Variants in FRA10AC1 observed in about 807,000 individuals in gnomAD.
The protein encoded by FRA10AC1 is protein FRA10AC1.
A neutral mutation model predicts 56.5 loss-of-function variants in FRA10AC1; 43 were observed. The observed-to-expected ratio is 0.76, with a 90% confidence interval of 0.60 to 0.98. The LOEUF is 0.98. Ranked by LOEUF, FRA10AC1 falls within the 50% of genes least tolerant of loss-of-function variation. The pLI, the probability that FRA10AC1 is intolerant of heterozygous loss-of-function variation, is 0.00. For missense variants in FRA10AC1, 346 were observed against 351.8 expected, an observed-to-expected ratio of 0.98 and a Z score of 0.13; for synonymous variants, 112 against 110.5, an observed-to-expected ratio of 1.01 and a Z score of -0.09.
At chr10:93,685,119 C>A in intron 9 of FRA10AC1, 127 bp downstream of exon 9, 2 of 585,838 alleles carry the variant, frequency 3.4e-6, no homozygotes, top group Non-Finnish European at 3.0e-6. Context: ...CTTTGGGAAG[C>A]TCCAAGAAAA....
intron 12 of FRA10AC1, chr10:93,673,412 T>G (rs541188199): frequency 2.2e-6 from 1 of 454,804 alleles, no homozygotes; most frequent in East Asian, 7.0e-5. Flanking sequence ...CATACCTCAG[T>G]TTTTTTCTTC....
At chr10:93,676,255 GA>G (rs1486328246) in intron 12 of FRA10AC1, among the ~76,000 whole-genome samples, 1 of 151,998 alleles carries the variant, frequency 6.6e-6, no homozygotes, top group Non-Finnish European at 1.5e-5. Flanking sequence ...ATATTGCAGG[GA>G]AAAAATAATA....
chr10:93,697,349 G>A (rs187398377), intron 4 of FRA10AC1, among the ~76,000 whole-genome samples: 18 of 152,284 alleles, frequency 1.2e-4, no homozygotes, highest in Admixed American at 3.3e-4. Context: ...TGACACAATG[G>A]TACTTCTATA....
chr10:93,674,960 A>G (rs1015631661), intron 12 of FRA10AC1: 1 of 152,154 alleles, frequency 6.6e-6, no homozygotes, highest in African/African-American at 2.4e-5. Context: ...TCCTGAGATA[A>G]CATTGGTCCA....
chr10:93,693,602 T>C (rs1286579462), intron 5 of FRA10AC1, among the ~76,000 whole-genome samples: 2 of 144,632 alleles, frequency 1.4e-5, no homozygotes, highest in African/African-American at 5.1e-5. Context: ...ACACACCATA[T>C]ATATACACAC....
chr10:93,681,501 C>G lies in FRA10AC1; in HGVS notation c.766G>C (p.Ala256Pro). The change falls in exon 11 of 14, where the codon GCC becomes CCC. Residue 256 changes from alanine (A) to proline (P), a missense_variant. Ala to Pro is a conservative substitution (Grantham distance 27, BLOSUM62 -1). Transcript: ENST00000359204. ...TTACCTTTATCTTTTTTCTTGGAGG[C>G]CTCTTCTGCAGAAGATAATCTGGAT... ...KKSRLSSAEEASKKKDKGHSS... is the reference protein window; with the variant it reads ...KKSRLSSAEEPSKKKDKGHSS... 1 of 1,572,990 alleles carries G rather than the reference C, an allele frequency of 6.4e-7. No homozygotes were observed.
intron 1 of FRA10AC1, among the ~76,000 whole-genome samples, chr10:93,700,354 C>T (rs559919796): frequency 6.6e-6 from 1 of 152,288 alleles, no homozygotes; most frequent in South Asian, 2.1e-4. Flanking sequence ...GAAGGCTACT[C>T]TTTGATCTTT....
chr10:93,687,400 TTA>T lies in FRA10AC1; in HGVS notation c.511+2_511+3del. The T allele has an allele frequency of 6.7e-7, 1 of 1,501,014 alleles. No homozygotes were observed. The highest frequency in any genetic ancestry group is 9.0e-7 in the Non-Finnish European group (1 of 1,107,168). The allele number at this position is 1,501,014 out of a possible 1,614,324, so 93.0% of individuals were successfully genotyped here. On this transcript the variant is annotated splice_donor_variant and splice_donor_region_variant and intron_variant, in intron 8 of 13. Transcript: ENST00000359204. LOFTEE classifies it high-confidence loss of function. The stretch of plus-strand genomic sequence containing the variant: ...ATTAAAAAGTAAAAATTTTAAAGAA[TTA>T]CCTTTTCCTGAAATTACTTCTTTTT...
rs1430265903 is a variant in FRA10AC1, at chr10:93,692,103, T to G, written c.381-10A>C. 7 of 1,471,364 alleles carry G rather than the reference T, an allele frequency of 4.8e-6. No individual in the cohort carries two copies. In the East Asian group the frequency reaches 1.6e-4, roughly 33 times the overall value. The allele number at this position is 1,471,364 out of a possible 1,614,324, so 91.1% of individuals were successfully genotyped here. On this transcript the variant is annotated splice_polypyrimidine_tract_variant and intron_variant, in intron 6 of 13. Transcript: ENST00000359204. ...AGCAAGTCTCTTCTCCCTAGACCCA[T>G]GAAAATATAAATATTATACATTTAG...
rs2059005936 is a variant in FRA10AC1 at position 93,685,271 on chromosome 10, C to G, written c.600G>C (p.Glu200Asp). 1 of 1,551,916 alleles carries G rather than the reference C, an allele frequency of 6.4e-7. No homozygotes were observed. ...TTAATTTAACAAGTGCATTTCTCTT[C>G]TCACCATGCTCAATATAACCAAAAT... ...EVNFGYIEHGEKRNALVKLRL... is the reference protein window; with the variant it reads ...EVNFGYIEHGDKRNALVKLRL... The change falls in exon 9 of 14, where the codon GAG becomes GAC. Residue 200 changes from glutamate to aspartate, a missense_variant. By Grantham distance (45) the Glu-to-Asp change is conservative (BLOSUM62 2). Coordinates refer to ENST00000359204, the MANE Select transcript of FRA10AC1 (RefSeq NM_145246.5).
At chr10:93,687,379 A>T (rs1366773420) in intron 8 of FRA10AC1, 25 bp downstream of exon 8, 7 of 1,456,160 alleles carry the variant, frequency 4.8e-6, no homozygotes, top group Non-Finnish European at 6.5e-6. Context: ...TATCCTATTA[A>T]AAAGTAAAAA....
rs781082491 is a variant in FRA10AC1 at position 93,692,738 on chromosome 10, C to T, written c.297-9G>A. 2.4e-5 allele frequency: 37 copies of T among 1,561,918 alleles called. No individual in the cohort carries two copies. In the South Asian group the frequency reaches 4.3e-4, roughly 18 times the overall value. ...CTGTCTTGTCATTTTCCCTGGAAAACAGAACTTTTTCAATTTAATACAAAA... is the reference window on the plus strand; with the variant it reads ...CTGTCTTGTCATTTTCCCTGGAAAATAGAACTTTTTCAATTTAATACAAAA... On this transcript the variant is annotated splice_polypyrimidine_tract_variant and intron_variant, in intron 5 of 13. Coordinates refer to ENST00000359204, the MANE Select transcript of FRA10AC1 (RefSeq NM_145246.5).
At chr10:93,682,225 C>G (rs2058947591) in intron 10 of FRA10AC1, among the ~76,000 whole-genome samples, 1 of 152,024 alleles carries the variant, frequency 6.6e-6, no homozygotes, top group African/African-American at 2.4e-5. Flanking sequence ...AAAAGAAATA[C>G]TAAATGGGAA....
At chr10:93,692,771 T>C in intron 5 of FRA10AC1, 42 bp from the exon 6 acceptor site, 1 of 1,319,866 alleles carries the variant, frequency 7.6e-7, no homozygotes, top group East Asian at 2.5e-5. Context: ...AAAACAAAAG[T>C]AGTCAAATTT....
intron 13 of FRA10AC1, 98 bp downstream of exon 13, chr10:93,670,672 A>T (rs1386072141): frequency 2.6e-6 from 2 of 763,312 alleles, no homozygotes; most frequent in Non-Finnish European, 4.4e-6. Flanking sequence ...CATTAAATAG[A>T]TCACCATGAT....
chr10:93,686,493 C>G (rs2059029900), intron 8 of FRA10AC1, among the ~76,000 whole-genome samples: 1 of 151,772 alleles, frequency 6.6e-6, no homozygotes, highest in African/African-American at 2.4e-5. Flanking sequence ...TTGTGATAGA[C>G]ATTTCAGGAT....
intron 5 of FRA10AC1, 77 bp from the exon 6 acceptor site, chr10:93,692,806 G>T: frequency 1.3e-6 from 1 of 777,010 alleles, no homozygotes; most frequent in South Asian, 2.1e-5. Flanking sequence ...TGTGAGTTTT[G>T]GAAAATTTTA....
At chr10:93,692,614 T>C in intron 6 of FRA10AC1, 32 bp downstream of exon 6, 1 of 1,352,834 alleles carries the variant, frequency 7.4e-7, no homozygotes, top group Non-Finnish European at 1.0e-6. Context: ...GACTAAAGCA[T>C]TTGATGCATT....
intron 5 of FRA10AC1, 75 bp downstream of exon 5, chr10:93,694,786 A>G: frequency 1.3e-6 from 1 of 752,720 alleles, no homozygotes; most frequent in Admixed American, 2.3e-5. Context: ...ACAGAATCAG[A>G]AGGCACAGTA....
Sources: gnomAD v4.1 joint callset for allele counts (sites outside exome capture counted in the v4.1 genomes callset) on GRCh38, gnomAD v4.1.1 for gene constraint, MANE v1.5 for transcripts, NCBI Gene and HGNC (gene_info 2026-07-23, HGNC 2026-07-21) for gene names.